Variants in USP54 observed in about 807,000 individuals in gnomAD.
USP54 encodes ubiquitin carboxyl-terminal hydrolase 54.
In USP54, 87 loss-of-function variants were observed where a neutral mutation model predicts 170.5. That is an observed-to-expected ratio of 0.51 (90% CI 0.43 to 0.61). The LOEUF (loss-of-function observed/expected upper bound fraction) is 0.61. Ranked by LOEUF, USP54 falls within the 20% of genes least tolerant of loss-of-function variation. USP54 has a pLI of 0.00. For synonymous variants in USP54, 655 were observed against 742.8 expected, an observed-to-expected ratio of 0.88 and a Z score of 1.92; for missense variants, 1,786 against 2,047.8, an observed-to-expected ratio of 0.87 and a Z score of 2.47.
chr10:73,594,159 T>C (rs2078527688), upstream of USP54, among the ~76,000 whole-genome samples: 1 of 151,908 alleles, frequency 6.6e-6, no homozygotes. Flanking sequence ...CAACCTCCAC[T>C]TCCCAGGTTC....
Position 73,517,224 on chromosome 10 carries a change from G to A in USP54, c.3202C>T (p.Leu1068=). ...ATTATGGGGTGGCAGGTTCTATACAGGGGAAGGCTGGGCTGAGCTGATGAA... is the reference window on the plus strand; with the variant it reads ...ATTATGGGGTGGCAGGTTCTATACAAGGGAAGGCTGGGCTGAGCTGATGAA... The part of the protein sequence containing the change: ...SNSSAQPSLP[L]YRTCHPIMPV... Residue 1068 remains leucine, a synonymous_variant, in exon 20 of 24, where the codon CTG becomes TTG. Transcript: ENST00000687698. The A allele has an allele frequency of 2.5e-6, 4 of 1,614,204 alleles. No homozygotes were observed. The highest frequency in any genetic ancestry group is 1.1e-5 in the South Asian group (1 of 91,092).
chr10:73,625,855 C>T (rs998098004), upstream of USP54: 2 of 152,308 alleles, frequency 1.3e-5, no homozygotes, highest in African/African-American at 4.8e-5. Flanking sequence ...CGCGACCTAA[C>T]CTTCCCCGCA....
intron 20 of USP54, 69 bp from the exon 21 acceptor site, chr10:73,505,495 A>C: frequency 1.4e-5 from 17 of 1,240,014 alleles, no homozygotes; most frequent in Non-Finnish European, 2.0e-5. Flanking sequence ...TAAGCCTAGC[A>C]GCACAAACTC....
intron 4 of USP54, among the ~76,000 whole-genome samples, chr10:73,552,279 G>A (rs887026669): frequency 2.0e-5 from 3 of 152,090 alleles, no homozygotes; most frequent in East Asian, 1.9e-4. Context: ...CGGGCGTTGC[G>A]GTGAGCGCCT....
At chr10:73,584,259 G>A (rs1412193168) in intron 1 of USP54, among the ~76,000 whole-genome samples, 3 of 152,050 alleles carry the variant, frequency 2.0e-5, no homozygotes, top group African/African-American at 7.2e-5. Flanking sequence ...GTGGTGGCAT[G>A]TGCCTGTAAT....
rs184596715 is a variant in USP54 at position 73,520,824 on chromosome 10, T to A, written c.2482+84A>T. 4.9e-5 allele frequency: 78 copies of A among 1,587,176 alleles called. 1 individual carries two copies. In the African/African-American group the frequency reaches 9.3e-4, roughly 19 times the overall value. ...AGTGAGGAGACACAAAAACTGTTTTTATCCTGTCTGAGTGACAACACTAAT... is the reference window on the plus strand; with the variant it reads ...AGTGAGGAGACACAAAAACTGTTTTAATCCTGTCTGAGTGACAACACTAAT... On this transcript the variant is annotated intron_variant, in intron 18 of 23. Coordinates refer to ENST00000687698, the MANE Select transcript of USP54 (RefSeq NM_001391956.1).
At chr10:73,529,607 T>C (rs1701285435) in intron 15 of USP54, 73 bp downstream of exon 15, 8 of 1,554,788 alleles carry the variant, frequency 5.1e-6, no homozygotes, top group Non-Finnish European at 6.2e-6. Context: ...GTCTCAGCCA[T>C]GCCTGAAAGC....
At chr10:73,574,105 G>C (rs1202210898) in intron 3 of USP54, among the ~76,000 whole-genome samples, 1 of 152,192 alleles carries the variant, frequency 6.6e-6, no homozygotes, top group Non-Finnish European at 1.5e-5. Flanking sequence ...GTAATTACTT[G>C]AAAGTTAGGC....
rs747900524 is a variant in USP54 at position 73,541,672 on chromosome 10, C to G, written c.639G>C (p.Leu213=). ...GATCCCCCATGGTGCTGGCATTCTGCAGCAGCTCACCAAACATGCTTGGTG... is the reference window on the plus strand; with the variant it reads ...GATCCCCCATGGTGCTGGCATTCTGGAGCAGCTCACCAAACATGCTTGGTG... The part of the protein sequence containing the change: ...KPSPSMFGEL[L]QNASTMGDLR... Residue 213 remains leucine (L), a synonymous_variant, in exon 8 of 24, where the codon CTG becomes CTC. Coordinates refer to ENST00000687698, the MANE Select transcript of USP54 (RefSeq NM_001391956.1). The G allele has an allele frequency of 8.7e-6, 14 of 1,614,056 alleles. No individual in the cohort carries two copies. In the Admixed American group the frequency reaches 1.7e-4, roughly 19 times the overall value.
intron 1 of USP54, among the ~76,000 whole-genome samples, chr10:73,617,526 G>T (rs1243447449): frequency 6.7e-6 from 1 of 149,618 alleles, no homozygotes; most frequent in Admixed American, 6.6e-5. Context: ...CAAATAAATG[G>T]AAATTTAAAA....
At chr10:73,507,669 CAAAAAAAAA>C (rs913305815) in intron 20 of USP54, among the ~76,000 whole-genome samples, 3 of 22,468 alleles carry the variant, frequency 1.3e-4, no homozygotes, top group African/African-American at 5.3e-4. Flanking sequence ...GACTCCGTCG[CAAAAAAAAA>C]AAAAAAAAAA....
At position 73,530,772 on chromosome 10, in the gene USP54, C is replaced by A; in HGVS notation, c.1379G>T (p.Arg460Leu). 1 of 1,614,042 alleles carries A rather than the reference C, an allele frequency of 6.2e-7. No homozygotes were observed. The highest frequency in any genetic ancestry group is 8.5e-7 in the Non-Finnish European group (1 of 1,179,950). The change falls in exon 13 of 24, where the codon CGC becomes CTC. Residue 460 changes from arginine (R) to leucine (L), a missense_variant. This residue lies in a region of USP54 where 1,418 missense variants were observed against 1,569.0 expected (regional missense o/e 0.90). Transcript: ENST00000687698. ...CCTAACCCGACCAGAGCTCCTCTTG[C>A]GCTCTATCAGTGACCCTTTCTTGGA... ...HTSKKGSLIE[R>L]KRSSGRVRRK...
chr10:73,497,594 G>A lies in USP54; in HGVS notation c.*1035C>T, dbSNP rs1394259404. ...GAAAAATACTTTACAAAAACAGTATGTTTGGCCTAAAATAGTTCAGCTGAC... is the reference window on the plus strand; with the variant it reads ...GAAAAATACTTTACAAAAACAGTATATTTGGCCTAAAATAGTTCAGCTGAC... On this transcript the variant is annotated 3_prime_UTR_variant, in exon 24 of 24. Coordinates refer to ENST00000687698, the MANE Select transcript of USP54 (RefSeq NM_001391956.1). 6.6e-6 allele frequency: 1 copy of A among 152,260 alleles called. No homozygotes were observed. Among genetic ancestry groups the A allele is most frequent in the African/African-American group, 2.4e-5 (1 of 41,458 alleles). The allele number at this position is 152,260 out of a possible 1,614,324, so 9.4% of individuals were successfully genotyped here.
intron 1 of USP54, chr10:73,624,440 T>A (rs1429397799): frequency 6.9e-6 from 1 of 145,308 alleles, no homozygotes; most frequent in Non-Finnish European, 1.5e-5. Flanking sequence ...ACTCCTCACC[T>A]CAAGCAGTCT....
intron 1 of USP54, among the ~76,000 whole-genome samples, chr10:73,577,700 T>A (rs561477636): frequency 6.6e-5 from 10 of 152,342 alleles, no homozygotes; most frequent in African/African-American, 1.9e-4. Context: ...CTAGAAATGT[T>A]TGACTATTAA....
At chr10:73,614,889 T>C (rs1383116280) in intron 1 of USP54, among the ~76,000 whole-genome samples, 1 of 150,152 alleles carries the variant, frequency 6.7e-6, no homozygotes, top group African/African-American at 2.5e-5. Flanking sequence ...AAGACAGATA[T>C]GAAATTTTAG....
intron 3 of USP54, among the ~76,000 whole-genome samples, chr10:73,572,337 A>C (rs1179212785): frequency 6.6e-6 from 1 of 152,234 alleles, no homozygotes; most frequent in Non-Finnish European, 1.5e-5. Flanking sequence ...TTGGGCCAGG[A>C]AAGGACACCA....
rs1426270565 is a variant in USP54 at position 73,505,743 on chromosome 10, A to AAT, written c.4052-318_4052-317insAT. ...AAATTAGCCGGGCGTGGTGGCAGGCACCTGTAATCCCAGCTACTCGGGAGG... is the reference window on the plus strand; with the variant it reads ...AAATTAGCCGGGCGTGGTGGCAGGCAATCCTGTAATCCCAGCTACTCGGGAGG... On this transcript the variant is annotated intron_variant, in intron 20 of 23. Transcript: ENST00000687698. 7.6e-5 allele frequency: 14 copies of AAT among 185,078 alleles called. No homozygotes were observed. The Admixed American group carries it at 8.6e-4, about 11-fold the overall frequency. The allele number at this position is 185,078 out of a possible 1,614,324, so 11.5% of individuals were successfully genotyped here.
chr10:73,585,416 G>A (rs1435073215), intron 1 of USP54, among the ~76,000 whole-genome samples: 1 of 152,192 alleles, frequency 6.6e-6, no homozygotes, highest in Non-Finnish European at 1.5e-5. Context: ...CAAGGCCTCA[G>A]GGAGCTTACG....
Sources: gnomAD v4.1 joint callset for allele counts (sites outside exome capture counted in the v4.1 genomes callset) on GRCh38, gnomAD v4.1.1 for gene constraint, gnomAD v4.1.1 regional missense constraint, MANE v1.5 for transcripts, NCBI Gene and HGNC (gene_info 2026-07-23, HGNC 2026-07-21) for gene names.